Variants in FNDC3B observed in about 807,000 individuals in gnomAD.
FNDC3B encodes the protein fibronectin type III domain containing 3B, also known as fibronectin type III domain-containing protein 3B.
In FNDC3B, 12 loss-of-function variants were observed where a neutral mutation model predicts 151.5. That is an observed-to-expected ratio of 0.08 (90% confidence interval 0.05 to 0.13). The LOEUF is 0.13. FNDC3B is among the 10% of genes least tolerant of loss of function. FNDC3B has a pLI of 1.00. For synonymous variants in FNDC3B, 528 were observed against 549.0 expected, an observed-to-expected ratio of 0.96 and a Z score of 0.54; for missense variants, 1,214 against 1,505.3, an observed-to-expected ratio of 0.81 and a Z score of 3.20.
chr3:172,106,561 T>TTTGG (rs1719654174), intron 1 of FNDC3B, among the ~76,000 whole-genome samples: 1 of 152,228 alleles, frequency 6.6e-6, no homozygotes, highest in African/African-American at 2.4e-5. Context: ...CTTGAATTAA[T>TTTGG]GTAAGGAAAT....
intron 1 of FNDC3B, among the ~76,000 whole-genome samples, chr3:172,103,601 A>C (rs1257500448): frequency 2.6e-5 from 4 of 152,170 alleles, no homozygotes; most frequent in Non-Finnish European, 5.9e-5. Context: ...ACTTAAGGGC[A>C]CAGTGGATGG....
At chr3:172,302,834 TC>T (rs1560066898) in intron 9 of FNDC3B, 1 of 151,854 alleles carries the variant, frequency 6.6e-6, no homozygotes, top group Non-Finnish European at 1.5e-5. Flanking sequence ...ATAAAAAATC[TC>T]CTGTCTCTGT....
intron 4 of FNDC3B, among the ~76,000 whole-genome samples, chr3:172,245,843 A>T (rs956657075): frequency 6.6e-6 from 1 of 152,230 alleles, no homozygotes; most frequent in Non-Finnish European, 1.5e-5. Flanking sequence ...CTTAATTTTA[A>T]ATAGGTAATA....
At chr3:172,111,828 CTATTA>C (rs1434024991) in intron 1 of FNDC3B, among the ~76,000 whole-genome samples, 2 of 152,072 alleles carry the variant, frequency 1.3e-5, no homozygotes, top group Non-Finnish European at 2.9e-5. Flanking sequence ...TTTGGGGACT[CTATTA>C]TGAGTGATAA....
In FNDC3B at chr3:172,052,080, GTCT is replaced by G. The variant is rs566242172; in HGVS notation, c.-29+12317_-29+12319del. On this transcript the variant is annotated intron_variant, in intron 1 of 25. Coordinates refer to ENST00000415807, the MANE Select transcript of FNDC3B (RefSeq NM_022763.4). ...TCCTTTTTAAAAATAATCTTTGTCT[GTCT>G]TCTTCTTTTTTTTTTTTTTGAGACA... 1.7e-3 allele frequency among the ~76,000 whole-genome samples: 255 copies of G among 150,930 alleles called. 1 individual carries two copies. The highest frequency in any genetic ancestry group is 4.3e-3 in the African/African-American group (178 of 41,172).
chr3:172,121,597 A>T (rs1034268149), intron 2 of FNDC3B, among the ~76,000 whole-genome samples: 3 of 152,224 alleles, frequency 2.0e-5, no homozygotes, highest in African/African-American at 7.2e-5. Context: ...CAGAGATGCA[A>T]ATACTTGTGT....
At chr3:172,132,361 T>C (rs1040063772) in intron 2 of FNDC3B, among the ~76,000 whole-genome samples, 8 of 152,216 alleles carry the variant, frequency 5.3e-5, no homozygotes, top group Non-Finnish European at 1.2e-4. Flanking sequence ...ATTTTTAAAA[T>C]AGTGTTAGCC....
chr3:172,366,671 G>A (rs901328596), intron 23 of FNDC3B, among the ~76,000 whole-genome samples: 22 of 152,124 alleles, frequency 1.4e-4, no homozygotes, highest in African/African-American at 5.1e-4. Context: ...TGATGTGGAA[G>A]GCCTAAAGAT....
intron 18 of FNDC3B, 103 bp downstream of exon 18, chr3:172,343,219 T>C: frequency 1.4e-6 from 1 of 699,668 alleles, no homozygotes; most frequent in South Asian, 1.5e-5. Flanking sequence ...AAAGACCATA[T>C]ACGTTTTTGT....
intron 10 of FNDC3B, among the ~76,000 whole-genome samples, chr3:172,308,443 G>A (rs983325293): frequency 6.6e-6 from 1 of 152,282 alleles, no homozygotes; most frequent in East Asian, 1.9e-4. Flanking sequence ...TTAGGGTTTG[G>A]GGGGAGAATA....
chr3:172,282,168 T>C (rs542265056), intron 6 of FNDC3B, among the ~76,000 whole-genome samples: 134 of 152,352 alleles, frequency 8.8e-4, no homozygotes, highest in Non-Finnish European at 1.6e-3. Context: ...TGATCGTTTA[T>C]GTGGGAAGTA....
chr3:172,267,835 G>A (rs1475043382), intron 6 of FNDC3B, among the ~76,000 whole-genome samples: 2 of 152,170 alleles, frequency 1.3e-5, no homozygotes, highest in African/African-American at 4.8e-5. Context: ...ACATAAAGCT[G>A]GTACTCATTG....
In FNDC3B at chr3:172,334,881, G is replaced by T; in HGVS notation, c.1642-63G>T. 2.0e-6 allele frequency: 3 copies of T among 1,510,020 alleles called. No individual in the cohort carries two copies. In the South Asian group the frequency reaches 3.6e-5, roughly 18 times the overall value. 93.5% of individuals were successfully genotyped at this position (1,510,020 alleles called of 1,614,324 possible). On this transcript the variant is annotated intron_variant, in intron 14 of 25. Transcript: ENST00000415807. ...CCTTAATCTCACCATGTTAAAAAGT[G>T]ACCATTAATTTAATGATCCCTGATA...
intron 6 of FNDC3B, among the ~76,000 whole-genome samples, chr3:172,280,426 G>A (rs958972429): frequency 6.6e-6 from 1 of 152,146 alleles, no homozygotes; most frequent in Non-Finnish European, 1.5e-5. Flanking sequence ...TCCAAAATGA[G>A]CATGATCAGA....
chr3:172,345,415 C>G (rs1041316573), intron 19 of FNDC3B, among the ~76,000 whole-genome samples: 1 of 152,116 alleles, frequency 6.6e-6, no homozygotes, highest in Non-Finnish European at 1.5e-5. Context: ...TTTCTCAGCC[C>G]TTTCACTGAT....
chr3:172,262,505 G>A (rs1728696529), intron 6 of FNDC3B, among the ~76,000 whole-genome samples: 2 of 152,214 alleles, frequency 1.3e-5, no homozygotes, highest in Non-Finnish European at 2.9e-5. Flanking sequence ...ACACTATACG[G>A]AGGTATTAGG....
chr3:172,178,213 C>T (rs1723709113), intron 3 of FNDC3B, among the ~76,000 whole-genome samples: 1 of 152,094 alleles, frequency 6.6e-6, no homozygotes, highest in African/African-American at 2.4e-5. Flanking sequence ...TGGCCACAGT[C>T]ATCAGGGAAT....
chr3:172,131,349 C>T (rs1721089907), intron 2 of FNDC3B, among the ~76,000 whole-genome samples: 2 of 150,998 alleles, frequency 1.3e-5, no homozygotes, highest in South Asian at 2.1e-4. Flanking sequence ...GCTGAGATCG[C>T]GCCATTGCAC....
intron 14 of FNDC3B, among the ~76,000 whole-genome samples, chr3:172,333,888 C>T (rs1056742831): frequency 1.3e-5 from 2 of 152,030 alleles, no homozygotes; most frequent in African/African-American, 2.4e-5. Context: ...TCTTCCATGA[C>T]CCACCCCCTC....
Sources: gnomAD v4.1 joint callset for allele counts (sites outside exome capture counted in the v4.1 genomes callset) on GRCh38, gnomAD v4.1.1 for gene constraint, MANE v1.5 for transcripts, NCBI Gene and HGNC (gene_info 2026-07-23, HGNC 2026-07-21) for gene names.